The following EXOC1 variants were observed in gnomAD, a reference collection of about 807,000 sequenced individuals.
EXOC1 encodes the protein SEC3-like 1.
In EXOC1, 67 loss-of-function variants were observed where a neutral mutation model predicts 107.7. That is an observed-to-expected ratio of 0.62 (90% confidence interval 0.51 to 0.76). The LOEUF (loss-of-function observed/expected upper bound fraction) is 0.76. EXOC1 is among the 30% of genes least tolerant of loss of function. EXOC1 has a pLI of 0.00. For missense variants in EXOC1, 833 were observed against 1,055.7 expected (o/e 0.79, Z 2.92); for synonymous variants, 348 against 353.5 (o/e 0.98, Z 0.17).
chr4:55,858,505 T>C, intron 2 of EXOC1, 58 bp downstream of exon 2: 1 of 1,470,552 alleles, frequency 6.8e-7, no homozygotes, highest in Non-Finnish European at 9.0e-7. Context: ...TTAGAAGATA[T>C]TTCCTCTTTG....
chr4:55,872,764 G>T (rs1056245763), intron 8 of EXOC1: 23 of 972,960 alleles, frequency 2.4e-5, no homozygotes, highest in Non-Finnish European at 2.8e-5. Context: ...GTTTACTCAG[G>T]CCCTCCTTCA....
intron 10 of EXOC1, among the ~76,000 whole-genome samples, chr4:55,886,973 A>T (rs1400180811): frequency 3.9e-5 from 6 of 152,084 alleles, no homozygotes; most frequent in African/African-American, 1.4e-4. Context: ...TTGTGATAAG[A>T]CCTTTGTGTA....
At chr4:55,861,282 G>A (rs113941729) in intron 3 of EXOC1, among the ~76,000 whole-genome samples, 2,071 of 152,110 alleles carry the variant, frequency 0.014, 64 homozygotes, top group African/African-American at 0.047. Context: ...AGAATACTTT[G>A]TACCACAACT....
At chr4:55,894,928 C>T (rs968935659) in intron 15 of EXOC1, among the ~76,000 whole-genome samples, 2 of 152,072 alleles carry the variant, frequency 1.3e-5, no homozygotes, top group African/African-American at 4.8e-5. Flanking sequence ...CTATCCATTA[C>T]ATTTTTTATA....
At chr4:55,874,993 A>G (rs540437457) in intron 8 of EXOC1, among the ~76,000 whole-genome samples, 1 of 152,256 alleles carries the variant, frequency 6.6e-6, no homozygotes, top group Admixed American at 6.5e-5. Context: ...CTTTGGTTCT[A>G]CAGAGACCTC....
intron 18 of EXOC1, among the ~76,000 whole-genome samples, chr4:55,902,748 T>C (rs926758872): frequency 6.1e-5 from 9 of 147,598 alleles, no homozygotes; most frequent in Non-Finnish European, 1.2e-4. Flanking sequence ...TGCTATATTA[T>C]GGTGAGGCAT....
At chr4:55,878,879 T>C (rs951773401) in intron 9 of EXOC1, among the ~76,000 whole-genome samples, 2 of 152,066 alleles carry the variant, frequency 1.3e-5, no homozygotes, top group Non-Finnish European at 2.9e-5. Flanking sequence ...TCCTCAAGCA[T>C]GGGAAAAGAT....
At chr4:55,868,812 C>A in intron 5 of EXOC1, 1 of 254,748 alleles carries the variant, frequency 3.9e-6, no homozygotes, top group Non-Finnish European at 7.5e-6. Flanking sequence ...GGAGTTGATT[C>A]GCTCAGCCTC....
chr4:55,863,451 A>T (rs2110319513), intron 3 of EXOC1, among the ~76,000 whole-genome samples: 1 of 152,194 alleles, frequency 6.6e-6, no homozygotes, highest in African/African-American at 2.4e-5. Flanking sequence ...TGTCTCTACA[A>T]GAACATTTTA....
At position 55,890,310 on chromosome 4, in the gene EXOC1, A is replaced by G; in HGVS notation, c.1463A>G (p.Gln488Arg). The G allele has an allele frequency of 6.2e-7, 1 of 1,613,866 alleles. No homozygotes were observed. Among genetic ancestry groups the G allele is most frequent in the Non-Finnish European group, 8.5e-7 (1 of 1,179,766 alleles). Reference protein sequence around the residue: ...SVQSSGNRRSQSSSLLDMGNM... With the variant: ...SVQSSGNRRSRSSSLLDMGNM... The stretch of plus-strand genomic sequence containing the variant: ...CAGAGTTCAGGGAATCGCAGATCTC[A>G]GTCATCTTCCCTGTTGGATATGGGA... Residue 488 changes from glutamine to arginine, a missense_variant, in exon 12 of 19, where the codon CAG (glutamine) becomes CGG (arginine). Gln to Arg is a conservative substitution (Grantham distance 43, BLOSUM62 1). Around this residue, in one of 2 missense-constraint regions of EXOC1, gnomAD observed 617 missense variants for 701.3 expected, o/e 0.88. Transcript: ENST00000381295.
At chr4:55,888,610 A>C (rs1008115181) in intron 10 of EXOC1, among the ~76,000 whole-genome samples, 1 of 152,150 alleles carries the variant, frequency 6.6e-6, no homozygotes, top group African/African-American at 2.4e-5. Context: ...TAAAAAAAAA[A>C]AACATTTTAA....
chr4:55,894,603 ACTAT>A (rs910380610), intron 15 of EXOC1, among the ~76,000 whole-genome samples: 18 of 139,824 alleles, frequency 1.3e-4, no homozygotes, highest in Middle Eastern at 3.7e-3. Context: ...CAACTTTCTT[ACTAT>A]CTGTTACTTT....
intron 17 of EXOC1, chr4:55,900,769 T>C (rs1725806466): frequency 6.6e-6 from 1 of 152,162 alleles, no homozygotes; most frequent in African/African-American, 2.4e-5. Flanking sequence ...TCCTAGCTAC[T>C]TGGGAGGCTG....
intron 8 of EXOC1, 64 bp from the exon 9 acceptor site, chr4:55,877,852 AC>A (rs1723040939): frequency 6.3e-7 from 1 of 1,590,196 alleles, no homozygotes; most frequent in South Asian, 1.1e-5. Flanking sequence ...CATTGTTTAG[AC>A]TTTTTATTGT....
chr4:55,890,531 GAAA>G (rs34003680), intron 12 of EXOC1, 145 bp downstream of exon 12: 405 of 299,312 alleles, frequency 1.4e-3, no homozygotes, highest in African/African-American at 2.5e-3. Flanking sequence ...TCGAATCTGG[GAAA>G]AAAAAAAAAA....
rs1373283716 is a variant in EXOC1, at chr4:55,853,899, C to G, written c.-65C>G. 1.3e-5 allele frequency: 2 copies of G among 152,418 alleles called. No homozygotes were observed. The highest frequency in any genetic ancestry group is 2.9e-5 in the Non-Finnish European group (2 of 68,204). 9.4% of individuals were successfully genotyped at this position (152,418 alleles called of 1,614,324 possible). A position where few individuals can be genotyped will look rare whatever the true frequency, so the allele number is the denominator to read the frequency against. ...CGGCTCCTCAGTCCGGCTGCTGTCT[C>G]CACGCCTGGGGTCGGGCACCGCTCC... On this transcript the variant is annotated 5_prime_UTR_variant, in exon 1 of 19. Coordinates refer to ENST00000381295, the MANE Select transcript of EXOC1 (RefSeq NM_001024924.2).
intron 9 of EXOC1, among the ~76,000 whole-genome samples, chr4:55,881,212 C>T (rs897093749): frequency 3.9e-5 from 6 of 152,148 alleles, no homozygotes; most frequent in African/African-American, 1.2e-4. Flanking sequence ...CCTCCCGGGA[C>T]TGCTACCTTC....
Position 55,868,329 on chromosome 4 carries a change from CTT to C in EXOC1, c.416-5_416-4del, listed in dbSNP as rs771505180. 6.2e-6 allele frequency: 10 copies of C among 1,601,928 alleles called. No individual in the cohort carries two copies. The Admixed American group carries it at 1.7e-4, about 27-fold the overall frequency. On this transcript the variant is annotated splice_region_variant and splice_polypyrimidine_tract_variant and intron_variant, in intron 4 of 18. Coordinates refer to ENST00000381295, the MANE Select transcript of EXOC1 (RefSeq NM_001024924.2). Reference sequence around the variant, plus strand: ...ACTATTTTACTTTGAATTTTTACCTCTTTAAGAATCTGTTCCAAGTGGAGAAA... The same window carrying C: ...ACTATTTTACTTTGAATTTTTACCTCTAAGAATCTGTTCCAAGTGGAGAAA...
intron 2 of EXOC1, among the ~76,000 whole-genome samples, chr4:55,860,043 G>A (rs1004486262): frequency 7.2e-5 from 11 of 152,276 alleles, no homozygotes; most frequent in African/African-American, 2.4e-4. Flanking sequence ...GGGCAACATA[G>A]TAAGAACTTT....
Sources: gnomAD v4.1 joint callset for allele counts (sites outside exome capture counted in the v4.1 genomes callset) on GRCh38, gnomAD v4.1.1 for gene constraint, gnomAD v4.1.1 regional missense constraint, MANE v1.5 for transcripts, NCBI Gene and HGNC (gene_info 2026-07-23, HGNC 2026-07-21) for gene names.